Variants in NKIRAS1 observed in about 807,000 individuals in gnomAD.
NKIRAS1 encodes the protein NFKB inhibitor interacting Ras like 1, also known as NF-kappa-B inhibitor-interacting Ras-like protein 1.
Under a neutral mutation model 19.8 loss-of-function variants are expected in NKIRAS1, and 16 were observed. The ratio of observed to expected loss-of-function variants is 0.81; its 90% CI spans 0.55 to 1.23. The LOEUF is 1.23. Among genes scored for constraint, NKIRAS1 ranks in the 50% most tolerant of loss-of-function variants. The probability of loss-of-function intolerance (pLI) is 0.00; values close to 1 mark genes in which losing one functional copy is unlikely to be tolerated. For missense variants in NKIRAS1, 184 were observed against 220.0 expected (o/e 0.84, Z 1.04); for synonymous variants, 88 against 79.0 (o/e 1.11, Z -0.61).
At chr3:23,934,521 T>A (rs1705362721) in intron 1 of NKIRAS1, among the ~76,000 whole-genome samples, 1 of 152,230 alleles carries the variant, frequency 6.6e-6, no homozygotes, top group Non-Finnish European at 1.5e-5. Context: ...GCAAATGTGT[T>A]AAAAATTTAA....
intron 3 of NKIRAS1, 93 bp from the exon 4 acceptor site, chr3:23,901,142 C>A: frequency 2.4e-5 from 29 of 1,220,802 alleles, no homozygotes; most frequent in Non-Finnish European, 3.1e-5. Flanking sequence ...TTCTAGGTTT[C>A]TTATTTACCA....
At chr3:23,940,839 C>T (rs13325754) in intron 1 of NKIRAS1, among the ~76,000 whole-genome samples, 27,716 of 152,030 alleles carry the variant, frequency 0.18, 2,581 homozygotes, top group Non-Finnish European at 0.21. Context: ...GAAGAAGGTA[C>T]GTCACAAATG....
chr3:23,937,333 GAAAAAGAAAAAGAA>G (rs1705414124), intron 1 of NKIRAS1, among the ~76,000 whole-genome samples: 2 of 150,106 alleles, frequency 1.3e-5, no homozygotes, highest in Admixed American at 1.3e-4. Context: ...ACTCTGTCTG[GAAAAAGAAAAAGAA>G]AAAAAGAAAA....
chr3:23,910,127 G>C (rs1172263435), intron 3 of NKIRAS1, among the ~76,000 whole-genome samples: 2 of 140,374 alleles, frequency 1.4e-5, no homozygotes, highest in Admixed American at 7.2e-5. Flanking sequence ...AAAGCGTTTG[G>C]ATTACTGGTG....
At chr3:23,920,451 A>G, upstream of NKIRAS1, 9 of 985,404 alleles carry the variant, frequency 9.1e-6, no homozygotes, top group Non-Finnish European at 1.1e-5. Flanking sequence ...AATCCTTACC[A>G]TTCCACAAAG....
intron 2 of NKIRAS1, 101 bp from the exon 3 acceptor site, chr3:23,911,022 G>A (rs1188724993): frequency 2.7e-5 from 23 of 856,710 alleles, no homozygotes; most frequent in Non-Finnish European, 3.5e-5. Flanking sequence ...ATGCACAGGG[G>A]AAATTTTCAA....
chr3:23,896,047 A>C (rs1447080745), intron 4 of NKIRAS1, among the ~76,000 whole-genome samples: 1 of 148,922 alleles, frequency 6.7e-6, no homozygotes, highest in Non-Finnish European at 1.5e-5. Context: ...AGGCAGGAGA[A>C]TGGCATGAAC....
chr3:23,905,075 C>T (rs1702893981), intron 3 of NKIRAS1, among the ~76,000 whole-genome samples: 1 of 152,132 alleles, frequency 6.6e-6, no homozygotes, highest in Non-Finnish European at 1.5e-5. Flanking sequence ...GTGATCTTCC[C>T]ACCTCGGCCT....
chr3:23,920,318 A>G, upstream of NKIRAS1: 1 of 985,404 alleles, frequency 1.0e-6, no homozygotes, highest in South Asian at 4.7e-5. Flanking sequence ...TCAGTCTTAA[A>G]AACATCTTGG....
chr3:23,918,854 T>A (rs561294975), upstream of NKIRAS1: 77 of 503,488 alleles, frequency 1.5e-4, no homozygotes, highest in East Asian at 2.0e-3. Flanking sequence ...AAATATATAC[T>A]AAATATTTTT....
At chr3:23,945,114 A>C (rs1255761310) in intron 1 of NKIRAS1, 1 of 148,082 alleles carries the variant, frequency 6.8e-6, no homozygotes, top group South Asian at 2.2e-4. Context: ...GGGGCTCGGC[A>C]AGGAGAAGGA....
intron 1 of NKIRAS1, among the ~76,000 whole-genome samples, chr3:23,928,162 G>T (rs2125264934): frequency 6.6e-6 from 1 of 150,782 alleles, no homozygotes; most frequent in African/African-American, 2.4e-5. Context: ...AGCCAGGAAT[G>T]GTAGCCCACA....
At chr3:23,902,732 T>C (rs1165167053) in intron 3 of NKIRAS1, among the ~76,000 whole-genome samples, 3 of 152,190 alleles carry the variant, frequency 2.0e-5, no homozygotes, top group Admixed American at 2.0e-4. Flanking sequence ...TCCACGCTGC[T>C]GGGCAACTAC....
At chr3:23,945,435 C>T (rs1416980752) in intron 1 of NKIRAS1, 4 of 271,660 alleles carry the variant, frequency 1.5e-5, no homozygotes, top group African/African-American at 4.6e-5. Context: ...GCCTGGGGCC[C>T]GGGAGCCCCG....
At chr3:23,919,538 A>T, upstream of NKIRAS1, 5 of 1,488,986 alleles carry the variant, frequency 3.4e-6, no homozygotes, top group Non-Finnish European at 4.5e-6. Context: ...CTTAATAAAC[A>T]ATTTAGGACA....
At chr3:23,921,133 A>AC (rs1705055118), upstream of NKIRAS1, among the ~76,000 whole-genome samples, 1 of 152,120 alleles carries the variant, frequency 6.6e-6, no homozygotes, top group Admixed American at 6.6e-5. Context: ...AGACCTAAAA[A>AC]CAAAAAAAAT....
At chr3:23,918,188 G>A, upstream of NKIRAS1, 3 of 1,021,578 alleles carry the variant, frequency 2.9e-6, no homozygotes, top group Non-Finnish European at 4.2e-6. Context: ...ATGCACTGTT[G>A]TCTAAAGTGG....
upstream of NKIRAS1, chr3:23,920,554 G>A (rs1204887506): frequency 8.1e-6 from 8 of 985,332 alleles, no homozygotes; most frequent in African/African-American, 3.5e-5. Flanking sequence ...CTAGACTACT[G>A]TTGTCCAGGG....
chr3:23,913,911 T>A (rs781006279), intron 1 of NKIRAS1, among the ~76,000 whole-genome samples: 3 of 152,182 alleles, frequency 2.0e-5, no homozygotes, highest in Non-Finnish European at 4.4e-5. Context: ...ATATTAGAAG[T>A]TGCTTATCCA....
Sources: allele counts gnomAD v4.1 joint callset (sites outside exome capture counted in the v4.1 genomes callset), GRCh38; gene constraint gnomAD v4.1.1; transcripts MANE v1.5; gene names NCBI Gene and HGNC (gene_info 2026-07-23, HGNC 2026-07-21).